MAD1L1: variants seen among roughly 807,000 people sequenced by gnomAD.
The protein encoded by MAD1L1 is mitotic spindle assembly checkpoint protein MAD1.
A neutral mutation model predicts 96.9 loss-of-function variants in MAD1L1; 95 were observed. The ratio of observed to expected loss-of-function variants is 0.98; its 90% confidence interval spans 0.83 to 1.16. The LOEUF (loss-of-function observed/expected upper bound fraction) is 1.16, where lower values mean the gene tolerates loss of function less well. Ranked by LOEUF, MAD1L1 falls within the 50% of genes most tolerant of loss-of-function variation. The pLI, the probability that MAD1L1 is intolerant of heterozygous loss-of-function variation, is 0.00. For synonymous variants in MAD1L1, 473 were observed against 396.6 expected (o/e 1.19, Z -2.29); for missense variants, 1,007 against 954.4 (o/e 1.06, Z -0.73).
chr7:1,886,388 G>T (rs1028158541), intron 18 of MAD1L1, among the ~76,000 whole-genome samples: 1 of 152,256 alleles, frequency 6.6e-6, no homozygotes, highest in Non-Finnish European at 1.5e-5. Flanking sequence ...TGGCAGCAAA[G>T]CGGATGCTTC....
chr7:2,084,356 G>A (rs776810999), intron 11 of MAD1L1, among the ~76,000 whole-genome samples: 2 of 152,224 alleles, frequency 1.3e-5, no homozygotes, highest in Non-Finnish European at 2.9e-5. Context: ...GAATGCCAAG[G>A]GCCATGACCT....
chr7:1,861,246 G>A (rs1308186320), intron 18 of MAD1L1, among the ~76,000 whole-genome samples: 1 of 152,192 alleles, frequency 6.6e-6, no homozygotes, highest in Non-Finnish European at 1.5e-5. Flanking sequence ...GTCCGGTGGG[G>A]GCTGGGCTGA....
At chr7:2,228,043 G>A (rs937280556) in intron 3 of MAD1L1, among the ~76,000 whole-genome samples, 3 of 152,054 alleles carry the variant, frequency 2.0e-5, no homozygotes, top group South Asian at 2.1e-4. Context: ...GAACCACGAC[G>A]AAGTCCAGGA....
At chr7:1,826,615 C>T (rs1782407997) in intron 18 of MAD1L1, among the ~76,000 whole-genome samples, 1 of 152,226 alleles carries the variant, frequency 6.6e-6, no homozygotes, top group Non-Finnish European at 1.5e-5. Context: ...GACGACACAG[C>T]CGGGCCCAAA....
chr7:1,885,987 C>T (rs898254140), intron 18 of MAD1L1, among the ~76,000 whole-genome samples: 1 of 152,280 alleles, frequency 6.6e-6, no homozygotes. Flanking sequence ...GCCTCCTCTC[C>T]TCCACCAGGT....
intron 18 of MAD1L1, among the ~76,000 whole-genome samples, chr7:1,851,436 C>G (rs1190701825): frequency 6.6e-6 from 1 of 152,188 alleles, no homozygotes; most frequent in Non-Finnish European, 1.5e-5. Context: ...ACGTGCCATC[C>G]TCGTGGATGA....
intron 17 of MAD1L1, among the ~76,000 whole-genome samples, chr7:1,924,787 A>C (rs1440859898): frequency 1.3e-5 from 2 of 152,202 alleles, no homozygotes; most frequent in African/African-American, 4.8e-5. Flanking sequence ...CCACATATAG[A>C]GAGTAAGTAC....
intron 10 of MAD1L1, among the ~76,000 whole-genome samples, chr7:2,155,462 G>C (rs1012333422): frequency 2.0e-5 from 3 of 152,098 alleles, no homozygotes; most frequent in African/African-American, 7.2e-5. Context: ...CATTAAAGAG[G>C]AACTCCCACA....
chr7:1,884,509 G>A (rs559898078), intron 18 of MAD1L1, among the ~76,000 whole-genome samples: 26 of 152,346 alleles, frequency 1.7e-4, no homozygotes, highest in Non-Finnish European at 3.5e-4. Flanking sequence ...GAGGCCCTGA[G>A]GCCGTCCTGC....
At position 2,114,101 on chromosome 7, in the gene MAD1L1, C is replaced by T. The variant is rs1026900182; in HGVS notation, c.1073+35051G>A. Among the ~76,000 whole-genome samples the T allele has an allele frequency of 6.6e-6, 1 of 152,220 alleles. No individual in the cohort carries two copies. Among genetic ancestry groups the T allele is most frequent in the Non-Finnish European group, 1.5e-5 (1 of 68,042 alleles). On this transcript the variant is annotated intron_variant, in intron 11 of 18. Transcript: ENST00000265854. The surrounding 1 kb of genome is among the most constrained non-coding windows in gnomAD (Gnocchi z 4.2). ...CTTCTGATAACTGTACACGGGCTCA[C>T]AAGACGTTACCCTCGGGAAAGCTGG...
At chr7:1,836,776 A>G (rs1158706722) in intron 18 of MAD1L1, among the ~76,000 whole-genome samples, 2 of 152,216 alleles carry the variant, frequency 1.3e-5, no homozygotes, top group Non-Finnish European at 1.5e-5. Flanking sequence ...AAAAATGAAA[A>G]AGAGTCAATC....
chr7:2,070,606 C>T (rs182790675), intron 11 of MAD1L1, among the ~76,000 whole-genome samples: 9 of 148,792 alleles, frequency 6.0e-5, no homozygotes, highest in Admixed American at 4.0e-4. Flanking sequence ...CAGAGCGGAA[C>T]GGCGCTGGAA....
At chr7:2,070,609 C>T (rs746070027) in intron 11 of MAD1L1, among the ~76,000 whole-genome samples, 8 of 151,788 alleles carry the variant, frequency 5.3e-5, no homozygotes, top group African/African-American at 1.2e-4. Flanking sequence ...AGCGGAACGG[C>T]GCTGGAACAC....
At chr7:2,102,365 T>C (rs569648900) in intron 11 of MAD1L1, among the ~76,000 whole-genome samples, 35 of 126,556 alleles carry the variant, frequency 2.8e-4, no homozygotes, top group African/African-American at 1.0e-3. Flanking sequence ...CCACCGTCAC[T>C]ATCACCACCG....
intron 17 of MAD1L1, among the ~76,000 whole-genome samples, chr7:1,899,435 C>G (rs189619366): frequency 1.7e-4 from 26 of 152,292 alleles, no homozygotes; most frequent in African/African-American, 6.3e-4. Context: ...GCCACGGGAG[C>G]TGGGCCAGCT....
intron 12 of MAD1L1, among the ~76,000 whole-genome samples, chr7:2,036,898 C>A (rs1165952084): frequency 6.6e-6 from 1 of 152,172 alleles, no homozygotes; most frequent in Non-Finnish European, 1.5e-5. Flanking sequence ...CAACGCCACT[C>A]ATACCCACCA....
intron 17 of MAD1L1, among the ~76,000 whole-genome samples, chr7:1,924,536 AATGGTATC>A (rs1460147652): frequency 1.3e-5 from 2 of 152,198 alleles, no homozygotes; most frequent in Admixed American, 6.5e-5. Flanking sequence ...CACATCCAGC[AATGGTATC>A]CTTCAGTAAC....
intron 12 of MAD1L1, among the ~76,000 whole-genome samples, chr7:2,066,108 G>C (rs1017176221): frequency 2.6e-5 from 4 of 152,204 alleles, no homozygotes; most frequent in Admixed American, 6.5e-5. Flanking sequence ...GTTTAATAAA[G>C]GTCTCGAAAT....
At chr7:1,963,213 A>C (rs1000516897) in intron 15 of MAD1L1, among the ~76,000 whole-genome samples, 3 of 152,236 alleles carry the variant, frequency 2.0e-5, no homozygotes, top group Non-Finnish European at 4.4e-5. Context: ...GGGAACGTAT[A>C]AACTGGTGTC....
Sources: gnomAD v4.1 joint callset for allele counts (sites outside exome capture counted in the v4.1 genomes callset) on GRCh38, gnomAD v4.1.1 for gene constraint, Gnocchi (gnomAD v3.1) non-coding constraint, MANE v1.5 for transcripts, NCBI Gene and HGNC (gene_info 2026-07-23, HGNC 2026-07-21) for gene names.